AFF3: variants seen among roughly 807,000 people sequenced by gnomAD.
AFF3 encodes ALF transcription elongation factor 3, also known as AF4/FMR2 family member 3.
A neutral mutation model predicts 129.7 loss-of-function variants in AFF3; 32 were observed. The ratio of observed to expected loss-of-function variants is 0.25; its 90% CI spans 0.19 to 0.33. AFF3 has a LOEUF of 0.33. AFF3 is among the 10% of genes least tolerant of loss of function. The probability of loss-of-function intolerance (pLI) is 1.00; values close to 1 mark genes in which losing one functional copy is unlikely to be tolerated. For synonymous variants in AFF3, 644 were observed against 635.4 expected (o/e 1.01, Z -0.20); for missense variants, 1,373 against 1,592.0 (o/e 0.86, Z 2.34).
At chr2:99,726,183 T>C (rs1679346540) in intron 11 of AFF3, among the ~76,000 whole-genome samples, 1 of 152,086 alleles carries the variant, frequency 6.6e-6, no homozygotes, top group Non-Finnish European at 1.5e-5. Flanking sequence ...AATACACAGC[T>C]CTCCTATTCA....
chr2:100,065,458 A>T (rs1687638735), intron 4 of AFF3, among the ~76,000 whole-genome samples: 1 of 152,264 alleles, frequency 6.6e-6, no homozygotes, highest in African/African-American at 2.4e-5. Flanking sequence ...AGCCCTAAAG[A>T]TCATTATCTC....
At chr2:99,811,622 C>G (rs1165541819) in intron 8 of AFF3, among the ~76,000 whole-genome samples, 1 of 152,166 alleles carries the variant, frequency 6.6e-6, no homozygotes, top group Non-Finnish European at 1.5e-5. Context: ...CAATAAAGTG[C>G]ATAAAGTATG....
At chr2:99,722,686 C>A (rs62156500) in intron 11 of AFF3, among the ~76,000 whole-genome samples, 2 of 152,194 alleles carry the variant, frequency 1.3e-5, no homozygotes, top group Admixed American at 1.3e-4. Flanking sequence ...TTTTCCACTA[C>A]GCTCATTGGC....
At chr2:99,571,302 T>C (rs77733084) in intron 18 of AFF3, among the ~76,000 whole-genome samples, 10 of 152,180 alleles carry the variant, frequency 6.6e-5, no homozygotes, top group Admixed American at 5.2e-4. Flanking sequence ...ATTTTTTTTT[T>C]CTTGCCCTGT....
Position 100,006,921 on chromosome 2 carries a change from G to A in AFF3, c.584C>T (p.Thr195Ile). The stretch of plus-strand genomic sequence containing the variant: ...CGCCATGGCAGGTGGCCTCTCCTGG[G>A]TCTGAAGGCCCACCTCCACATTGCA... The part of the protein sequence containing the change: ...QVCNVEVGLQ[T>I]QERPPAMAAK... Residue 195 changes from threonine (T) to isoleucine (I), a missense_variant, in exon 7 of 25, where the codon ACC (threonine) becomes ATC (isoleucine). Physicochemically the swap from Thr to Ile is moderately conservative, Grantham distance 89. This residue lies in a region of AFF3 where 255 missense variants were observed against 256.0 expected (regional missense o/e 1.00). Coordinates refer to ENST00000672756, the MANE Select transcript of AFF3 (RefSeq NM_001386135.1). The A allele has an allele frequency of 6.2e-7, 1 of 1,614,132 alleles. No homozygotes were observed. Among genetic ancestry groups the A allele is most frequent in the Non-Finnish European group, 8.5e-7 (1 of 1,180,030 alleles).
chr2:99,809,545 T>C (rs1686628492), intron 8 of AFF3, among the ~76,000 whole-genome samples: 1 of 152,224 alleles, frequency 6.6e-6, no homozygotes, highest in South Asian at 2.1e-4. Context: ...AGCTGGAATT[T>C]AACACTAAGC....
intron 2 of AFF3, among the ~76,000 whole-genome samples, chr2:100,126,828 C>T (rs994872599): frequency 6.6e-6 from 1 of 152,080 alleles, no homozygotes. Context: ...ATTTCTGTTT[C>T]CAATAATTGA....
intron 7 of AFF3, among the ~76,000 whole-genome samples, chr2:99,962,251 T>C (rs1336064545): frequency 6.6e-6 from 1 of 152,170 alleles, no homozygotes; most frequent in East Asian, 1.9e-4. Context: ...AAAGTAGCAC[T>C]ACAAAGGCTC....
chr2:100,092,654 C>G (rs1405267223), intron 4 of AFF3, among the ~76,000 whole-genome samples: 5 of 152,228 alleles, frequency 3.3e-5, no homozygotes, highest in Admixed American at 6.5e-5. Context: ...CTGACCTGCA[C>G]TGGTCACTGC....
intron 2 of AFF3, chr2:100,107,029 T>G (rs1691333985): frequency 1.0e-6 from 1 of 985,426 alleles, no homozygotes; most frequent in African/African-American, 1.7e-5. Flanking sequence ...CTAAAGCAAT[T>G]GCAAGGCGGG....
intron 18 of AFF3, among the ~76,000 whole-genome samples, chr2:99,570,315 T>C (rs1274692817): frequency 6.6e-6 from 1 of 152,212 alleles, no homozygotes; most frequent in Non-Finnish European, 1.5e-5. Context: ...GGTCTTTGGT[T>C]CCAACTCTGG....
intron 4 of AFF3, among the ~76,000 whole-genome samples, chr2:100,012,885 A>G (rs889507280): frequency 2.2e-4 from 34 of 152,226 alleles, no homozygotes; most frequent in African/African-American, 8.2e-4. Context: ...AATTTCTATC[A>G]TCTGCAAAGT....
chr2:99,671,179 C>A (rs1181164187), intron 12 of AFF3, among the ~76,000 whole-genome samples: 1 of 152,156 alleles, frequency 6.6e-6, no homozygotes, highest in Non-Finnish European at 1.5e-5. Context: ...TGTATCCAGG[C>A]CACTTAATGG....
At chr2:99,721,882 C>T (rs544324397) in intron 11 of AFF3, among the ~76,000 whole-genome samples, 12 of 152,234 alleles carry the variant, frequency 7.9e-5, no homozygotes, top group African/African-American at 2.2e-4. Context: ...TTTGTCTCTC[C>T]TCTCCTCCTG....
chr2:99,989,960 A>G (rs17023378), intron 7 of AFF3, among the ~76,000 whole-genome samples: 1 of 152,006 alleles, frequency 6.6e-6, no homozygotes, highest in Non-Finnish European at 1.5e-5. Context: ...GCTGTTTTTT[A>G]TTGATGTAAT....
chr2:99,990,825 C>T (rs917134543), intron 7 of AFF3, among the ~76,000 whole-genome samples: 1 of 152,104 alleles, frequency 6.6e-6, no homozygotes. Context: ...GAATCCAAGA[C>T]GATTCCAGGA....
Position 100,004,701 on chromosome 2 carries a change from G to A in AFF3, c.873+1931C>T, listed in dbSNP as rs965110719. On this transcript the variant is annotated intron_variant, in intron 7 of 24. Coordinates refer to ENST00000672756, the MANE Select transcript of AFF3 (RefSeq NM_001386135.1). Reference sequence around the variant, plus strand: ...CAAAGATCTCTGAGTTTGAAGGGTAGAAGTAACTCACTACTTGGCTGCTGA... The same window carrying A: ...CAAAGATCTCTGAGTTTGAAGGGTAAAAGTAACTCACTACTTGGCTGCTGA... Among the ~76,000 whole-genome samples the A allele has an allele frequency of 2.4e-4, 37 of 152,290 alleles. 1 individual carries two copies. The highest frequency in any genetic ancestry group is 2.0e-3 in the Admixed American group (30 of 15,296).
intron 4 of AFF3, among the ~76,000 whole-genome samples, chr2:100,013,464 G>C (rs1295280833): frequency 6.6e-6 from 1 of 152,174 alleles, no homozygotes; most frequent in Non-Finnish European, 1.5e-5. Context: ...CTTAGGATAA[G>C]AGTTTGATCA....
intron 7 of AFF3, among the ~76,000 whole-genome samples, chr2:99,896,659 G>A (rs746464258): frequency 1.2e-3 from 97 of 78,402 alleles, no homozygotes; most frequent in Admixed American, 1.2e-3. Context: ...TTTTGGAGAC[G>A]GAGTCTCACT....
Sources: gnomAD v4.1 joint callset for allele counts (sites outside exome capture counted in the v4.1 genomes callset) on GRCh38, gnomAD v4.1.1 for gene constraint, gnomAD v4.1.1 regional missense constraint, MANE v1.5 for transcripts, NCBI Gene and HGNC (gene_info 2026-07-23, HGNC 2026-07-21) for gene names.